The following SUGCT variants were observed in gnomAD, a reference collection of about 807,000 sequenced individuals.
SUGCT encodes succinyl-CoA:glutarate-CoA transferase, also known as succinyl-CoA:glutarate CoA-transferase.
In SUGCT, 41 loss-of-function variants were observed where a neutral mutation model predicts 55.0. The observed-to-expected ratio is 0.74, with a 90% confidence interval of 0.58 to 0.97. SUGCT has a LOEUF of 0.97. SUGCT is among the 50% of genes least tolerant of loss of function. The pLI is 0.00. For synonymous variants in SUGCT, 187 were observed against 200.4 expected (o/e 0.93, Z 0.56); for missense variants, 568 against 547.8 (o/e 1.04, Z -0.37).
the SUGCT span, among the ~76,000 whole-genome samples, chr7:40,874,682 C>T: frequency 6.6e-6 from 1 of 152,110 alleles, no homozygotes; most frequent in Non-Finnish European, 1.5e-5. Context: ...AGTGCAGAGC[C>T]ACTTTGATAG....
chr7:40,917,689 T>C, the SUGCT span, among the ~76,000 whole-genome samples: 2 of 152,180 alleles, frequency 1.3e-5, no homozygotes, highest in Non-Finnish European at 1.5e-5. Context: ...TATTGGAGAC[T>C]GAGACATCCA....
At chr7:40,573,552 G>T (rs1371124756) in intron 12 of SUGCT, among the ~76,000 whole-genome samples, 3 of 152,146 alleles carry the variant, frequency 2.0e-5, no homozygotes. Context: ...AGATTTATAG[G>T]TGTATAATCT....
the SUGCT span, among the ~76,000 whole-genome samples, chr7:41,032,548 A>G: frequency 6.6e-6 from 1 of 152,206 alleles, no homozygotes; most frequent in Admixed American, 6.5e-5. Context: ...ATTCTAAGAA[A>G]GTCAGACCAG....
chr7:40,407,122 A>G lies in SUGCT; in HGVS notation c.817-42165A>G, dbSNP rs187025373. On this transcript the variant is annotated intron_variant, in intron 9 of 13. Coordinates refer to ENST00000335693, the MANE Select transcript of SUGCT (RefSeq NM_001193313.2). ...AAGACTACAACAAAGAAAACAAAAT[A>G]TGAATGAATATAAGAATTCAAATGC... Among the ~76,000 whole-genome samples, 7 of 152,312 alleles carry G rather than the reference A, an allele frequency of 4.6e-5. No homozygotes were observed. The East Asian group carries it at 1.4e-3, about 29-fold the overall frequency.
At chr7:40,418,165 A>G (rs1032575993) in intron 9 of SUGCT, among the ~76,000 whole-genome samples, 1 of 152,112 alleles carries the variant, frequency 6.6e-6, no homozygotes, top group Non-Finnish European at 1.5e-5. Flanking sequence ...TCTTAGCTTT[A>G]AAAGAGCTGC....
chr7:40,644,002 T>C (rs1447943490), intron 12 of SUGCT, among the ~76,000 whole-genome samples: 4 of 152,118 alleles, frequency 2.6e-5, no homozygotes, highest in African/African-American at 7.2e-5. Context: ...GGAAAACCTG[T>C]CGTTTGGGAT....
intron 11 of SUGCT, among the ~76,000 whole-genome samples, chr7:40,480,213 T>G (rs1790951577): frequency 6.6e-6 from 1 of 152,080 alleles, no homozygotes; most frequent in Non-Finnish European, 1.5e-5. Flanking sequence ...CAGATACAAG[T>G]CAAATTTCTT....
intron 12 of SUGCT, among the ~76,000 whole-genome samples, chr7:40,577,084 C>T (rs1796806488): frequency 6.6e-6 from 1 of 152,162 alleles, no homozygotes; most frequent in Non-Finnish European, 1.5e-5. Flanking sequence ...TTAATAAGAC[C>T]TGTATGTCAA....
intron 13 of SUGCT, among the ~76,000 whole-genome samples, chr7:40,854,964 C>T (rs1283557056): frequency 6.6e-6 from 1 of 151,652 alleles, no homozygotes; most frequent in African/African-American, 2.4e-5. Context: ...TGAAAACAAG[C>T]TCTACTTGTA....
chr7:40,925,156 C>A, the SUGCT span, among the ~76,000 whole-genome samples: 1 of 152,140 alleles, frequency 6.6e-6, no homozygotes, highest in Non-Finnish European at 1.5e-5. Flanking sequence ...CCCTGACTAA[C>A]CCTTGGAATA....
intron 6 of SUGCT, among the ~76,000 whole-genome samples, chr7:40,229,386 G>T (rs1439238522): frequency 1.3e-5 from 2 of 151,938 alleles, no homozygotes; most frequent in African/African-American, 4.8e-5. Context: ...GGGCATGGTG[G>T]CATGCGCCTA....
At chr7:40,304,459 G>C (rs1028037472) in intron 8 of SUGCT, among the ~76,000 whole-genome samples, 1 of 150,036 alleles carries the variant, frequency 6.7e-6, no homozygotes, top group African/African-American at 2.5e-5. Context: ...TATTTCACTA[G>C]GTTTTGGGGG....
chr7:40,382,826 C>T (rs567262577), intron 9 of SUGCT, among the ~76,000 whole-genome samples: 5 of 152,092 alleles, frequency 3.3e-5, no homozygotes, highest in East Asian at 1.9e-4. Context: ...TGTGAGATGA[C>T]GTACTCATAT....
intron 12 of SUGCT, among the ~76,000 whole-genome samples, chr7:40,743,299 A>AT (rs1402542325): frequency 1.3e-5 from 2 of 152,232 alleles, no homozygotes; most frequent in Non-Finnish European, 2.9e-5. Context: ...CTAGGCATTC[A>AT]TTAAAAGCTT....
Position 40,273,373 on chromosome 7 carries a change from AGACTT to A in SUGCT, c.577-1139_577-1135del, listed in dbSNP as rs375688427. On this transcript the variant is annotated intron_variant, in intron 7 of 13. Transcript: ENST00000335693. ...TTCTGAAAATGATTCAACAGAAGCT[AGACTT>A]AATAAGGAGGTAATTGAATCACTGC... Among the ~76,000 whole-genome samples, 729 of 152,336 alleles carry A rather than the reference AGACTT, an allele frequency of 4.8e-3. 7 individuals carry two copies. Among genetic ancestry groups the A allele is most frequent in the African/African-American group, 0.017 (696 of 41,584 alleles).
At chr7:40,214,985 G>C (rs576026861) in intron 6 of SUGCT, among the ~76,000 whole-genome samples, 1 of 152,054 alleles carries the variant, frequency 6.6e-6, no homozygotes, top group East Asian at 1.9e-4. Context: ...GAGAGAATGC[G>C]TATGTCTACA....
the SUGCT span, among the ~76,000 whole-genome samples, chr7:40,914,493 T>A: frequency 6.6e-6 from 1 of 152,172 alleles, no homozygotes; most frequent in South Asian, 2.1e-4. Flanking sequence ...TTAATGGCTA[T>A]GCTTGATACC....
chr7:40,645,177 G>A (rs994110175), intron 12 of SUGCT, among the ~76,000 whole-genome samples: 1 of 152,164 alleles, frequency 6.6e-6, no homozygotes, highest in Admixed American at 6.5e-5. Flanking sequence ...TACATGGGCT[G>A]CATCTTAACT....
chr7:40,725,396 C>T (rs1146041), intron 12 of SUGCT, among the ~76,000 whole-genome samples: 69,316 of 151,960 alleles, frequency 0.46, 20,721 homozygotes, highest in African/African-American at 0.86. Context: ...AATCCTAATA[C>T]CCAAATGACA....
Sources: gnomAD v4.1 joint callset for allele counts (sites outside exome capture counted in the v4.1 genomes callset) on GRCh38, gnomAD v4.1.1 for gene constraint, MANE v1.5 for transcripts, NCBI Gene and HGNC (gene_info 2026-07-23, HGNC 2026-07-21) for gene names.